AP1G1: variants seen among roughly 807,000 people sequenced by gnomAD.
AP1G1 encodes AP-1 complex subunit gamma-1.
Under a neutral mutation model 108.3 loss-of-function variants are expected in AP1G1, and 7 were observed. The ratio of observed to expected loss-of-function variants is 0.06; its 90% CI spans 0.04 to 0.12. The LOEUF is 0.12. Among genes scored for constraint, AP1G1 ranks in the 10% least tolerant of loss-of-function variants. The pLI is 1.00. For missense variants in AP1G1, 756 were observed against 1,010.7 expected (o/e 0.75, Z 3.42); for synonymous variants, 379 against 353.5 (o/e 1.07, Z -0.81).
At chr16:71,734,281 T>C (rs2045506380) in intron 22 of AP1G1, among the ~76,000 whole-genome samples, 1 of 152,240 alleles carries the variant, frequency 6.6e-6, no homozygotes, top group African/African-American at 2.4e-5. Context: ...TAGCAGTAAA[T>C]GTAGGTATTT....
chr16:71,808,097 G>A (rs1380450338), intron 1 of AP1G1: 2 of 1,157,992 alleles, frequency 1.7e-6, no homozygotes, highest in South Asian at 1.8e-5. Flanking sequence ...ACTCTTTCAG[G>A]CAATCAGGAA....
chr16:71,741,690 A>G (rs2045623848), intron 19 of AP1G1, among the ~76,000 whole-genome samples: 1 of 152,248 alleles, frequency 6.6e-6, no homozygotes, highest in African/African-American at 2.4e-5. Context: ...CCATTTGTGC[A>G]GTCCAGCAGA....
chr16:71,734,154 C>A (rs2045505066), intron 22 of AP1G1, among the ~76,000 whole-genome samples: 1 of 152,204 alleles, frequency 6.6e-6, no homozygotes. Context: ...TTAAGGTGAG[C>A]TTATTTCTTT....
At chr16:71,797,986 A>G (rs1217962065) in intron 1 of AP1G1, among the ~76,000 whole-genome samples, 3 of 152,204 alleles carry the variant, frequency 2.0e-5, no homozygotes, top group Non-Finnish European at 4.4e-5. Flanking sequence ...GAGGGTAAAC[A>G]GTCCCATTGA....
At chr16:71,773,029 C>A (rs1447973971) in intron 4 of AP1G1, 192 bp downstream of exon 4, 2 of 720,432 alleles carry the variant, frequency 2.8e-6, no homozygotes, top group African/African-American at 3.5e-5. Flanking sequence ...TATCCAGTAA[C>A]ATTTGTTTGT....
intron 2 of AP1G1, among the ~76,000 whole-genome samples, chr16:71,785,548 C>T (rs2032169204): frequency 7.2e-6 from 1 of 139,848 alleles, no homozygotes; most frequent in Admixed American, 7.8e-5. Flanking sequence ...GTACTCCAGC[C>T]TGAGTGACAA....
chr16:71,759,184 C>T (rs1167997371), intron 10 of AP1G1, among the ~76,000 whole-genome samples: 1 of 152,182 alleles, frequency 6.6e-6, no homozygotes, highest in Non-Finnish European at 1.5e-5. Context: ...GTAGGCCGGG[C>T]ATGGTGGCTC....
rs2030763813 is a variant in AP1G1 at position 71,755,941 on chromosome 16, G to A, written c.1229+78C>T. ...CTGCAGGCGTGTGCCACCGCGCCCA[G>A]CCCCCTCCCCATGTTTTAAAGACAC... On this transcript the variant is annotated intron_variant, in intron 12 of 22. Transcript: ENST00000299980. 4 of 1,506,488 alleles carry A rather than the reference G, an allele frequency of 2.7e-6. No homozygotes were observed. The South Asian group carries it at 3.9e-5, about 15-fold the overall frequency. 93.3% of individuals were successfully genotyped at this position (1,506,488 alleles called of 1,614,324 possible). A position where few individuals can be genotyped will look rare whatever the true frequency, so the allele number is the denominator to read the frequency against.
chr16:71,771,080 G>T (rs2031551085), intron 5 of AP1G1, 76 bp downstream of exon 5: 1 of 900,606 alleles, frequency 1.1e-6, no homozygotes, highest in South Asian at 1.5e-5. Flanking sequence ...GAGAGACACA[G>T]GACTAACATA....
chr16:71,783,319 G>A (rs1441344196), intron 2 of AP1G1, among the ~76,000 whole-genome samples: 2 of 151,964 alleles, frequency 1.3e-5, no homozygotes, highest in Non-Finnish European at 2.9e-5. Flanking sequence ...TTGACTACAT[G>A]GAAACAATGA....
intron 1 of AP1G1, 89 bp downstream of exon 1, chr16:71,808,674 G>A (rs1187945655): frequency 2.3e-6 from 3 of 1,288,302 alleles, no homozygotes; most frequent in Admixed American, 2.3e-5. Flanking sequence ...CTGGACCCCT[G>A]AAACTGAAAG....
At chr16:71,761,486 T>C (rs780435419) in intron 10 of AP1G1, 26 bp downstream of exon 10, 2 of 1,472,308 alleles carry the variant, frequency 1.4e-6, no homozygotes, top group Non-Finnish European at 1.9e-6. Context: ...ATATCCAAGA[T>C]AAAAGACATA....
intron 1 of AP1G1, 103 bp from the exon 2 acceptor site, chr16:71,789,585 A>G (rs913700652): frequency 5.1e-6 from 6 of 1,188,114 alleles, no homozygotes; most frequent in Middle Eastern, 5.4e-4. Flanking sequence ...TAAGAATTCA[A>G]GACTTGCCAA....
In AP1G1 at chr16:71,790,682, G is replaced by A. The variant is rs112206866; in HGVS notation, c.-3-1200C>T. 7.1e-3 allele frequency among the ~76,000 whole-genome samples: 1,076 copies of A among 152,070 alleles called. 25 individuals are homozygous for A. The highest frequency in any genetic ancestry group is 0.025 in the African/African-American group (1,024 of 41,452). ...GTGCTGGCAACTATTTCTCTCCATG[G>A]GGGAAAAAAATTAACCTCAATCCTA... is the stretch of plus-strand genomic sequence containing the variant. On this transcript the variant is annotated intron_variant, in intron 1 of 22. Transcript: ENST00000299980.
chr16:71,794,025 T>G lies in AP1G1; in HGVS notation c.-3-4543A>C, dbSNP rs76384884. Among the ~76,000 whole-genome samples the G allele has an allele frequency of 7.6e-3, 1,161 of 152,332 alleles. 6 individuals carry two copies. The highest frequency in any genetic ancestry group is 0.013 in the Non-Finnish European group (851 of 68,012). ...GAGCAACCGCACCTGGACCATAATG[T>G]GGTTTTATAAAAAGACCTTGATTCT... On this transcript the variant is annotated intron_variant, in intron 1 of 22. Coordinates refer to ENST00000299980, the MANE Select transcript of AP1G1 (RefSeq NM_001128.6).
At chr16:71,807,001 C>G (rs757460060) in intron 1 of AP1G1, among the ~76,000 whole-genome samples, 5 of 152,184 alleles carry the variant, frequency 3.3e-5, no homozygotes, top group Non-Finnish European at 5.9e-5. Context: ...TAAACTTCAA[C>G]CACTAGACTG....
intron 1 of AP1G1, among the ~76,000 whole-genome samples, chr16:71,804,580 G>A (rs988616427): frequency 2.0e-5 from 3 of 151,258 alleles, no homozygotes; most frequent in Non-Finnish European, 2.9e-5. Flanking sequence ...GCTAACTTTT[G>A]TATTTTTAGT....
rs540267652 is a variant in AP1G1 at position 71,771,174 on chromosome 16, A to G, written c.547T>C (p.Leu183=). Residue 183 remains leucine, a synonymous_variant, in exon 5 of 23, where the codon TTG becomes CTG. Transcript: ENST00000299980. ...ACATTACCATGGTTCTTCTCATTCA[A>G]TAAATTTTTTGTTGCTGGTAAAAAC... is the stretch of plus-strand genomic sequence containing the variant. ...EMFLPATKNL[L]NEKNHGVLHT... 1.3e-5 allele frequency: 21 copies of G among 1,605,700 alleles called. No individual in the cohort carries two copies. Among genetic ancestry groups the G allele is most frequent in the Admixed American group, 1.7e-5 (1 of 59,960 alleles).
chr16:71,789,957 G>A (rs1249671602), intron 1 of AP1G1, among the ~76,000 whole-genome samples: 1 of 152,116 alleles, frequency 6.6e-6, no homozygotes, highest in Non-Finnish European at 1.5e-5. Context: ...GATTAAGAGA[G>A]AAGACCAATT....
Sources: allele counts gnomAD v4.1 joint callset (sites outside exome capture counted in the v4.1 genomes callset), GRCh38; gene constraint gnomAD v4.1.1; transcripts MANE v1.5; gene names NCBI Gene and HGNC (gene_info 2026-07-23, HGNC 2026-07-21).